The following SLC44A5 variants were observed in gnomAD, a reference collection of about 807,000 sequenced individuals.
The protein encoded by SLC44A5 is solute carrier family 44 member 5.
A neutral mutation model predicts 101.8 loss-of-function variants in SLC44A5; 57 were observed. The observed-to-expected ratio is 0.56, with a 90% CI of 0.45 to 0.70. The LOEUF is 0.70. SLC44A5 is among the 30% of genes least tolerant of loss of function. The pLI, the probability that SLC44A5 is intolerant of heterozygous loss-of-function variation, is 0.00. For synonymous variants in SLC44A5, 281 were observed against 290.9 expected, an observed-to-expected ratio of 0.97 and a Z score of 0.35; for missense variants, 737 against 853.1, an observed-to-expected ratio of 0.86 and a Z score of 1.70.
intron 3 of SLC44A5, among the ~76,000 whole-genome samples, chr1:75,384,267 G>A (rs1661133112): frequency 6.6e-6 from 1 of 151,982 alleles, no homozygotes; most frequent in Non-Finnish European, 1.5e-5. Flanking sequence ...CTGGCAAATT[G>A]GATAAAGAGT....
intron 6 of SLC44A5, among the ~76,000 whole-genome samples, chr1:75,251,728 C>T (rs1649596393): frequency 6.6e-6 from 1 of 152,060 alleles, no homozygotes; most frequent in African/African-American, 2.4e-5. Flanking sequence ...GATTATATTG[C>T]TTAGTTTATT....
At chr1:75,351,157 G>A (rs1194460625) in intron 3 of SLC44A5, among the ~76,000 whole-genome samples, 2 of 151,868 alleles carry the variant, frequency 1.3e-5, no homozygotes, top group Non-Finnish European at 2.9e-5. Context: ...AGTTAACTAG[G>A]AAGATGTAAC....
chr1:75,231,938 C>G (rs538498032), intron 12 of SLC44A5, among the ~76,000 whole-genome samples: 43 of 152,252 alleles, frequency 2.8e-4, no homozygotes, highest in African/African-American at 1.0e-3. Context: ...TATGACACAT[C>G]CACATTGTTA....
chr1:75,555,608 G>A (rs1672173544), intron 1 of SLC44A5, among the ~76,000 whole-genome samples: 2 of 147,254 alleles, frequency 1.4e-5, no homozygotes, highest in Non-Finnish European at 3.0e-5. Flanking sequence ...GCTAGGGGCT[G>A]GAAGAGCAAG....
the SLC44A5 span, among the ~76,000 whole-genome samples, chr1:75,642,327 A>C: frequency 6.6e-6 from 1 of 152,054 alleles, no homozygotes; most frequent in East Asian, 1.9e-4. Context: ...AAATACAAAG[A>C]CAGTGAGGCT....
intron 1 of SLC44A5, among the ~76,000 whole-genome samples, chr1:75,598,747 G>C (rs1003647869): frequency 2.2e-4 from 34 of 152,078 alleles, no homozygotes; most frequent in African/African-American, 7.5e-4. Context: ...ACACATAGAG[G>C]GAAACAACAC....
chr1:75,323,612 A>G (rs1475811737), intron 4 of SLC44A5, among the ~76,000 whole-genome samples: 4 of 152,218 alleles, frequency 2.6e-5, no homozygotes, highest in African/African-American at 4.8e-5. Context: ...TAAATGAATC[A>G]TTATTATAAT....
At chr1:75,683,619 G>T in the SLC44A5 span, among the ~76,000 whole-genome samples, 3 of 152,148 alleles carry the variant, frequency 2.0e-5, no homozygotes, top group Non-Finnish European at 4.4e-5. Flanking sequence ...GGTGGCGGAA[G>T]GGGGGAGGGA....
chr1:75,473,149 T>A (rs1667202018), intron 2 of SLC44A5, among the ~76,000 whole-genome samples: 1 of 152,216 alleles, frequency 6.6e-6, no homozygotes, highest in Non-Finnish European at 1.5e-5. Context: ...AGCATTCAGC[T>A]AAGTGTCCTT....
chr1:75,666,253 AT>A, the SLC44A5 span, among the ~76,000 whole-genome samples: 4 of 152,316 alleles, frequency 2.6e-5, no homozygotes, highest in East Asian at 1.9e-4. Flanking sequence ...CATAAAAAAA[AT>A]GTGGTATAAA....
intron 2 of SLC44A5, among the ~76,000 whole-genome samples, chr1:75,452,527 T>A (rs1665963087): frequency 6.6e-6 from 1 of 152,106 alleles, no homozygotes; most frequent in Admixed American, 6.5e-5. Flanking sequence ...AACTTCATAA[T>A]AGGATCAAAA....
At chr1:75,698,634 T>C in the SLC44A5 span, among the ~76,000 whole-genome samples, 2 of 152,046 alleles carry the variant, frequency 1.3e-5, no homozygotes, top group African/African-American at 4.8e-5. Context: ...TCACCAGCAA[T>C]GGAACAAAGC....
rs35829590 is a variant in SLC44A5 at position 75,537,033 on chromosome 1, A to AAAAAATATATATATATAT, written c.13+4401_13+4402insATATATATATATATTTTT. Among the ~76,000 whole-genome samples, 112 of 42,882 alleles carry AAAAAATATATATATATAT rather than the reference A, an allele frequency of 2.6e-3. 3 individuals are homozygous for AAAAAATATATATATATAT. Among genetic ancestry groups the AAAAAATATATATATATAT allele is most frequent in the African/African-American group, 3.1e-3 (57 of 18,350 alleles). The allele number at this position is 42,882 out of a possible 152,430, so 28.1% of individuals were successfully genotyped here. A position where few individuals can be genotyped will look rare whatever the true frequency, so the allele number is the denominator to read the frequency against. On this transcript the variant is annotated intron_variant, in intron 2 of 23. Coordinates refer to ENST00000370859, the MANE Select transcript of SLC44A5 (RefSeq NM_001130058.2). ...AAAAAAAAAAAAAAAAAAAAAAAAA[A>AAAAAATATATATATATAT]ATATATATCTATGCCAAATGATTCT... is the stretch of plus-strand genomic sequence containing the variant.
intron 2 of SLC44A5, among the ~76,000 whole-genome samples, chr1:75,401,334 T>C (rs1662463225): frequency 1.3e-5 from 2 of 152,208 alleles, no homozygotes; most frequent in African/African-American, 4.8e-5. Flanking sequence ...TCTGTCCTCA[T>C]GGAGTTTTTT....
chr1:75,226,635 T>G (rs748460089), intron 13 of SLC44A5, among the ~76,000 whole-genome samples: 2 of 152,142 alleles, frequency 1.3e-5, no homozygotes, highest in African/African-American at 4.8e-5. Flanking sequence ...CACCAAGATA[T>G]TGCTCCCTTC....
chr1:75,366,411 G>C (rs997926979), intron 3 of SLC44A5, among the ~76,000 whole-genome samples: 1 of 152,006 alleles, frequency 6.6e-6, no homozygotes, highest in Non-Finnish European at 1.5e-5. Context: ...AAGTTCTCTT[G>C]TGTGTGATGA....
chr1:75,546,034 A>T (rs1401114921), intron 1 of SLC44A5, among the ~76,000 whole-genome samples: 3 of 151,746 alleles, frequency 2.0e-5, no homozygotes, highest in Non-Finnish European at 4.4e-5. Flanking sequence ...GTTACCCAAG[A>T]TGGTCTTGAA....
At position 75,502,020 on chromosome 1, in the gene SLC44A5, G is replaced by C. The variant is rs560223645; in HGVS notation, c.13+39415C>G. ...GAGAATAAAATTACTGAAGTTCTTTGTGATGAAACAATGCATAAGATAGAT... is the reference window on the plus strand; with the variant it reads ...GAGAATAAAATTACTGAAGTTCTTTCTGATGAAACAATGCATAAGATAGAT... On this transcript the variant is annotated intron_variant, in intron 2 of 23. Coordinates refer to ENST00000370859, the MANE Select transcript of SLC44A5 (RefSeq NM_001130058.2). Among the ~76,000 whole-genome samples the C allele has an allele frequency of 2.0e-5, 3 of 152,272 alleles. No individual in the cohort carries two copies. The South Asian group carries it at 6.2e-4, about 32-fold the overall frequency.
intron 2 of SLC44A5, among the ~76,000 whole-genome samples, chr1:75,406,734 A>G (rs1662896430): frequency 1.3e-5 from 2 of 152,178 alleles, no homozygotes; most frequent in African/African-American, 4.8e-5. Flanking sequence ...TATTTACGAC[A>G]AACCCACAGG....
Sources: allele counts gnomAD v4.1 joint callset (sites outside exome capture counted in the v4.1 genomes callset), GRCh38; gene constraint gnomAD v4.1.1; transcripts MANE v1.5; gene names NCBI Gene and HGNC (gene_info 2026-07-23, HGNC 2026-07-21).